SUSD4: variants seen among roughly 807,000 people sequenced by gnomAD.
The protein encoded by SUSD4 is sushi domain-containing protein 4.
Under a neutral mutation model 50.5 loss-of-function variants are expected in SUSD4, and 41 were observed. That is an observed-to-expected ratio of 0.81 (90% CI 0.63 to 1.05). SUSD4 has a LOEUF of 1.05. Among genes scored for constraint, SUSD4 ranks in the 50% least tolerant of loss-of-function variants. The pLI is 0.00. For synonymous variants in SUSD4, 257 were observed against 257.3 expected (o/e 1.00, Z 0.01); for missense variants, 580 against 634.7 (o/e 0.91, Z 0.93).
chr1:223,270,682 G>T (rs938089023), intron 3 of SUSD4, among the ~76,000 whole-genome samples: 13 of 152,062 alleles, frequency 8.5e-5, no homozygotes, highest in African/African-American at 3.1e-4. Flanking sequence ...AAATTATTCT[G>T]CCTCAGCCTC....
intron 3 of SUSD4, among the ~76,000 whole-genome samples, chr1:223,280,364 C>A (rs1226271179): frequency 6.6e-6 from 1 of 151,970 alleles, no homozygotes; most frequent in Non-Finnish European, 1.5e-5. Context: ...GATACACACA[C>A]AGGCTCAAAA....
chr1:223,294,019 C>CTG (rs2103155516), intron 2 of SUSD4, among the ~76,000 whole-genome samples: 1 of 152,296 alleles, frequency 6.6e-6, no homozygotes, highest in South Asian at 2.1e-4. Context: ...GGAGGCTCTG[C>CTG]TGTGTGCATA....
At chr1:223,276,950 G>C (rs568250062) in intron 3 of SUSD4, among the ~76,000 whole-genome samples, 1 of 152,300 alleles carries the variant, frequency 6.6e-6, no homozygotes, top group East Asian at 1.9e-4. Flanking sequence ...GCATCCATCT[G>C]TTTTGATGAA....
At chr1:223,294,154 G>T (rs538238455) in intron 2 of SUSD4, among the ~76,000 whole-genome samples, 64 of 152,194 alleles carry the variant, frequency 4.2e-4, no homozygotes, top group African/African-American at 1.5e-3. Context: ...TTACTGAATG[G>T]GTACCAACAA....
chr1:223,236,521 G>A (rs796120875), intron 5 of SUSD4, among the ~76,000 whole-genome samples: 1 of 151,460 alleles, frequency 6.6e-6, no homozygotes, highest in African/African-American at 2.4e-5. Flanking sequence ...TTAATTTTAT[G>A]GAAGAGTGTA....
At chr1:223,362,716 GCCC>G (rs907088811) in intron 2 of SUSD4, among the ~76,000 whole-genome samples, 4 of 152,056 alleles carry the variant, frequency 2.6e-5, no homozygotes, top group African/African-American at 9.7e-5. Flanking sequence ...CCTCCTCCAC[GCCC>G]CCAACATACA....
In SUSD4 at chr1:223,250,096, T is replaced by C. The variant is rs188713125; in HGVS notation, c.724+14534A>G. Reference sequence around the variant, plus strand: ...GCTCAAACACTTAGTGGCCATGACCTTGGGCATTTTACTTTCTCATCTTAT... The same window carrying C: ...GCTCAAACACTTAGTGGCCATGACCCTGGGCATTTTACTTTCTCATCTTAT... On this transcript the variant is annotated intron_variant, in intron 5 of 8. Coordinates refer to ENST00000366878, the MANE Select transcript of SUSD4 (RefSeq NM_017982.4). Among the ~76,000 whole-genome samples, 39 of 152,380 alleles carry C rather than the reference T, an allele frequency of 2.6e-4. No homozygotes were observed. The East Asian group carries it at 7.3e-3, about 29-fold the overall frequency.
intron 4 of SUSD4, among the ~76,000 whole-genome samples, chr1:223,265,534 G>A (rs1395883204): frequency 2.6e-5 from 4 of 152,032 alleles, no homozygotes; most frequent in Non-Finnish European, 5.9e-5. Context: ...TCCAGGCACT[G>A]CTGCTGCTGC....
chr1:223,248,897 C>T (rs954705307), intron 5 of SUSD4, among the ~76,000 whole-genome samples: 21 of 152,066 alleles, frequency 1.4e-4, no homozygotes, highest in African/African-American at 4.3e-4. Flanking sequence ...TGCCTAGTTT[C>T]GAAGCCACAA....
intron 2 of SUSD4, among the ~76,000 whole-genome samples, chr1:223,317,416 G>A (rs940113429): frequency 6.6e-6 from 1 of 152,188 alleles, no homozygotes; most frequent in Admixed American, 6.5e-5. Flanking sequence ...TGTCTATGGA[G>A]TAGCCATTCT....
intron 5 of SUSD4, among the ~76,000 whole-genome samples, chr1:223,242,667 G>A (rs1284523877): frequency 6.6e-6 from 1 of 152,224 alleles, no homozygotes; most frequent in Non-Finnish European, 1.5e-5. Context: ...CCACAGGCAT[G>A]TTAGTTACTC....
chr1:223,320,738 T>C (rs941901351), intron 2 of SUSD4, among the ~76,000 whole-genome samples: 1 of 152,110 alleles, frequency 6.6e-6, no homozygotes, highest in Non-Finnish European at 1.5e-5. Context: ...GTTACAAAAG[T>C]ATGTTTTCTT....
intron 3 of SUSD4, among the ~76,000 whole-genome samples, chr1:223,274,121 T>C (rs1663101857): frequency 6.6e-6 from 1 of 152,140 alleles, no homozygotes; most frequent in African/African-American, 2.4e-5. Flanking sequence ...AGGAGCACTG[T>C]TCCATATCAG....
intron 5 of SUSD4, among the ~76,000 whole-genome samples, chr1:223,248,155 A>C (rs569321744): frequency 6.6e-6 from 1 of 152,328 alleles, no homozygotes; most frequent in South Asian, 2.1e-4. Context: ...GAAACTCTGT[A>C]GCTGAGCTCA....
intron 5 of SUSD4, among the ~76,000 whole-genome samples, chr1:223,260,374 T>C (rs560369968): frequency 6.6e-6 from 1 of 152,352 alleles, no homozygotes; most frequent in East Asian, 1.9e-4. Context: ...TTCTTAGCAC[T>C]TAACAATGAG....
At chr1:223,245,188 T>C (rs1459502460) in intron 5 of SUSD4, among the ~76,000 whole-genome samples, 3 of 151,832 alleles carry the variant, frequency 2.0e-5, no homozygotes, top group African/African-American at 7.3e-5. Flanking sequence ...GCAATTTGAC[T>C]ACAGTTGAAT....
intron 2 of SUSD4, among the ~76,000 whole-genome samples, chr1:223,314,627 C>T (rs1040415335): frequency 5.3e-5 from 8 of 152,010 alleles, no homozygotes; most frequent in African/African-American, 1.9e-4. Flanking sequence ...ATCATGGGGG[C>T]GGGTCTTTCC....
intron 3 of SUSD4, among the ~76,000 whole-genome samples, chr1:223,290,961 T>C (rs1664451145): frequency 6.6e-6 from 1 of 152,108 alleles, no homozygotes; most frequent in East Asian, 1.9e-4. Flanking sequence ...CATATATATA[T>C]ATATATGAAC....
At chr1:223,278,317 A>G (rs930765166) in intron 3 of SUSD4, among the ~76,000 whole-genome samples, 1 of 152,128 alleles carries the variant, frequency 6.6e-6, no homozygotes, top group African/African-American at 2.4e-5. Flanking sequence ...TTTCCTAGCA[A>G]AGGGGAGGGG....
Sources: allele counts gnomAD v4.1 joint callset (sites outside exome capture counted in the v4.1 genomes callset), GRCh38; gene constraint gnomAD v4.1.1; transcripts MANE v1.5; gene names NCBI Gene and HGNC (gene_info 2026-07-23, HGNC 2026-07-21).